Variants in PHLPP2 observed in about 807,000 individuals in gnomAD.
PHLPP2 encodes the protein PH domain and leucine rich repeat protein phosphatase 2, also known as PH domain leucine-rich repeat-containing protein phosphatase 2.
A neutral mutation model predicts 124.9 loss-of-function variants in PHLPP2; 66 were observed. The ratio of observed to expected loss-of-function variants is 0.53; its 90% CI spans 0.43 to 0.65. PHLPP2 has a LOEUF of 0.65. Among genes scored for constraint, PHLPP2 ranks in the 30% least tolerant of loss-of-function variants. The pLI, the probability that PHLPP2 is intolerant of heterozygous loss-of-function variation, is 0.00. For missense variants in PHLPP2, 1,685 were observed against 1,600.4 expected (o/e 1.05, Z -0.90); for synonymous variants, 681 against 624.7 (o/e 1.09, Z -1.34).
chr16:71,719,481 A>G (rs1219254274), intron 1 of PHLPP2, among the ~76,000 whole-genome samples: 1 of 152,230 alleles, frequency 6.6e-6, no homozygotes, highest in East Asian at 1.9e-4. Flanking sequence ...TGGAGACTGC[A>G]GTGAGCGGAG....
chr16:71,719,988 T>G (rs866779524), intron 1 of PHLPP2, among the ~76,000 whole-genome samples: 166 of 139,110 alleles, frequency 1.2e-3, no homozygotes, highest in Non-Finnish European at 1.9e-3. Flanking sequence ...TTTTTTTTTT[T>G]GAGACGGAGT....
At chr16:71,708,397 G>A (rs112107237) in intron 2 of PHLPP2, among the ~76,000 whole-genome samples, 1 of 152,066 alleles carries the variant, frequency 6.6e-6, no homozygotes, top group African/African-American at 2.4e-5. Flanking sequence ...AACCCTGCCC[G>A]CAAGAGCAGG....
At position 71,649,704 on chromosome 16, in the gene PHLPP2, A is replaced by G. The variant is rs1397710939; in HGVS notation, c.3158T>C (p.Val1053Ala). 6.2e-7 allele frequency: 1 copy of G among 1,614,148 alleles called. No individual in the cohort carries two copies. Reference sequence around the variant, plus strand: ...GATAGTGGTGGTTGAAGCAAATCCCACAGGACCTGGGAGGGTGAGCCCATT... The same window carrying G: ...GATAGTGGTGGTTGAAGCAAATCCCGCAGGACCTGGGAGGGTGAGCCCATT... ...EMNGLTLPGP[V>A]GFASTTTIKD... Residue 1053 changes from valine (V) to alanine (A), a missense_variant, in exon 19 of 19, where the codon GTG (valine) becomes GCG (alanine). Val to Ala is a moderately conservative substitution (Grantham distance 64, BLOSUM62 0). Transcript: ENST00000568954.
chr16:71,714,595 G>A lies in PHLPP2; in HGVS notation c.201C>T (p.Cys67=), dbSNP rs1328410392. ...TTTCTGATGCTGGTGTCTCTACAGTGCAAAGGACGAGATGTAAGTCAGAGG... is the reference window on the plus strand; with the variant it reads ...TTTCTGATGCTGGTGTCTCTACAGTACAAAGGACGAGATGTAAGTCAGAGG... ...SSSSDLHLVL[C]TVETPASEIC... is the part of the protein sequence containing the mutation. Residue 67 remains cysteine (C), a synonymous_variant, in exon 2 of 19, where the codon TGC becomes TGT. Coordinates refer to ENST00000568954, the MANE Select transcript of PHLPP2 (RefSeq NM_015020.3). 1.2e-6 allele frequency: 2 copies of A among 1,614,102 alleles called. No homozygotes were observed. The highest frequency in any genetic ancestry group is 2.2e-5 in the South Asian group (2 of 91,078).
Position 71,667,337 on chromosome 16 carries a change from AGG to A in PHLPP2, c.1629-6_1629-5del. The stretch of plus-strand genomic sequence containing the variant: ...AAGACTCAAGCTACTCAGAATTCTA[AGG>A]GGGGAGCATACAAACAAACACATTA... On this transcript the variant is annotated splice_polypyrimidine_tract_variant and splice_region_variant and intron_variant, in intron 11 of 18. Coordinates refer to ENST00000568954, the MANE Select transcript of PHLPP2 (RefSeq NM_015020.3). 6.2e-7 allele frequency: 1 copy of A among 1,609,178 alleles called. No individual in the cohort carries two copies. Among genetic ancestry groups the A allele is most frequent in the Non-Finnish European group, 8.5e-7 (1 of 1,176,226 alleles).
chr16:71,650,371 A>T (rs917991302), intron 18 of PHLPP2, among the ~76,000 whole-genome samples: 2 of 152,250 alleles, frequency 1.3e-5, no homozygotes, highest in African/African-American at 2.4e-5. Context: ...CAGAACTATC[A>T]TTAATTCTCT....
At chr16:71,695,383 A>C (rs1484666403) in intron 3 of PHLPP2, among the ~76,000 whole-genome samples, 1 of 152,198 alleles carries the variant, frequency 6.6e-6, no homozygotes, top group Non-Finnish European at 1.5e-5. Flanking sequence ...ACTATAATGC[A>C]TACATGATGT....
intron 13 of PHLPP2, among the ~76,000 whole-genome samples, chr16:71,662,370 C>G (rs1057193019): frequency 6.6e-6 from 1 of 151,778 alleles, no homozygotes; most frequent in African/African-American, 2.4e-5. Context: ...GCAGAGGTTG[C>G]AGTGAGCCAA....
intron 1 of PHLPP2, among the ~76,000 whole-genome samples, chr16:71,722,727 C>A (rs1319466200): frequency 2.6e-5 from 4 of 152,158 alleles, no homozygotes; most frequent in Non-Finnish European, 5.9e-5. Context: ...GTTTCATATC[C>A]TGAATTCCTC....
intron 17 of PHLPP2, 78 bp from the exon 18 acceptor site, chr16:71,653,099 CT>C (rs11298836): frequency 0.47 from 255,650 of 544,514 alleles, 33,756 homozygotes; most frequent in African/African-American, 0.6. Flanking sequence ...TACATCCCTT[CT>C]TTTTTTTTTT....
chr16:71,723,223 G>C (rs1031372614), intron 1 of PHLPP2: 1 of 152,282 alleles, frequency 6.6e-6, no homozygotes. Context: ...GGCACCTCGG[G>C]TAGCGAGCCC....
chr16:71,660,188 T>G (rs148248466), intron 13 of PHLPP2, among the ~76,000 whole-genome samples: 2 of 151,820 alleles, frequency 1.3e-5, no homozygotes, highest in Non-Finnish European at 2.9e-5. Context: ...TCTTAAGGCA[T>G]GAAACTACAC....
chr16:71,702,822 A>G, intron 2 of PHLPP2, 91 bp from the exon 3 acceptor site: 2 of 802,752 alleles, frequency 2.5e-6, no homozygotes, highest in Non-Finnish European at 3.8e-6. Context: ...TATAAATTTC[A>G]GGGGTACAAG....
At chr16:71,659,594 A>T (rs2044771738) in intron 13 of PHLPP2, among the ~76,000 whole-genome samples, 1 of 152,140 alleles carries the variant, frequency 6.6e-6, no homozygotes, top group African/African-American at 2.4e-5. Flanking sequence ...ATACTTACCC[A>T]TTCATGACAT....
chr16:71,656,008 G>A (rs1205674783), intron 16 of PHLPP2, among the ~76,000 whole-genome samples: 2 of 152,124 alleles, frequency 1.3e-5, no homozygotes, highest in Non-Finnish European at 2.9e-5. Flanking sequence ...TCTCTTAGTA[G>A]TGACTAAGGA....
intron 12 of PHLPP2, chr16:71,666,007 T>A (rs2044836728): frequency 6.6e-6 from 1 of 152,224 alleles, no homozygotes; most frequent in South Asian, 2.1e-4. Context: ...TTACTTCTGC[T>A]CACCTCTGTT....
intron 3 of PHLPP2, among the ~76,000 whole-genome samples, chr16:71,698,037 C>T (rs1311654506): frequency 2.0e-5 from 3 of 152,082 alleles, no homozygotes; most frequent in East Asian, 1.9e-4. Context: ...TTAGTAGAGA[C>T]GGGGTTTCAC....
chr16:71,693,949 T>G (rs1035745452), intron 3 of PHLPP2, among the ~76,000 whole-genome samples: 1 of 152,056 alleles, frequency 6.6e-6, no homozygotes, highest in Non-Finnish European at 1.5e-5. Flanking sequence ...TCCCAGCACT[T>G]TGGGAGGCCC....
chr16:71,712,069 C>A (rs996158486), intron 2 of PHLPP2, among the ~76,000 whole-genome samples: 4 of 152,238 alleles, frequency 2.6e-5, no homozygotes, highest in Non-Finnish European at 5.9e-5. Flanking sequence ...AGGCCTCAAT[C>A]TTCCTCATCT....
Sources: allele counts gnomAD v4.1 joint callset (sites outside exome capture counted in the v4.1 genomes callset), GRCh38; gene constraint gnomAD v4.1.1; transcripts MANE v1.5; gene names NCBI Gene and HGNC (gene_info 2026-07-23, HGNC 2026-07-21).